PCDHGA4: variants seen among roughly 807,000 people sequenced by gnomAD.
The protein encoded by PCDHGA4 is protocadherin gamma subfamily A, 4, also known as protocadherin gamma-A4.
In PCDHGA4, 38 loss-of-function variants were observed where a neutral mutation model predicts 54.6. The observed-to-expected ratio is 0.70, with a 90% confidence interval of 0.54 to 0.91. The LOEUF (loss-of-function observed/expected upper bound fraction) is 0.91. PCDHGA4 is among the 40% of genes least tolerant of loss of function. The pLI, the probability that PCDHGA4 is intolerant of heterozygous loss-of-function variation, is 0.00. For missense variants in PCDHGA4, 1,298 were observed against 1,220.9 expected, an observed-to-expected ratio of 1.06 and a Z score of -0.94; for synonymous variants, 511 against 512.9, an observed-to-expected ratio of 1.00 and a Z score of 0.05.
chr5:141,399,252 TG>T, intron 1 of PCDHGA4: 1 of 1,613,778 alleles, frequency 6.2e-7, no homozygotes, highest in Non-Finnish European at 8.5e-7. Context: ...CTGGGGAAAA[TG>T]GGGAGGTTAA....
Position 141,487,082 on chromosome 5 carries a change from G to A in PCDHGA4, c.2515-7725G>A, listed in dbSNP as rs2099639361. On this transcript the variant is annotated intron_variant, in intron 1 of 3. Transcript: ENST00000571252. The surrounding 1 kb of genome is among the most constrained non-coding windows in gnomAD (Gnocchi z 5.0). Reference sequence around the variant, plus strand: ...GCGGACGGCTGTTCCTATCCCAGCTGACCTCCCACCACAGAAGCTGGTCAT... The same window carrying A: ...GCGGACGGCTGTTCCTATCCCAGCTAACCTCCCACCACAGAAGCTGGTCAT... The A allele has an allele frequency of 8.1e-6, 13 of 1,614,056 alleles. No individual in the cohort carries two copies. The highest frequency in any genetic ancestry group is 1.1e-5 in the Non-Finnish European group (13 of 1,179,938).
rs1215626157 is a variant in PCDHGA4, at chr5:141,487,804, GT to G, written c.2515-7000del. ...TCGTGAATTAACCAGAGTTGTCACAGTTTAGCATTGGGGGCGGGTCATGCCT... is the reference window on the plus strand; with the variant it reads ...TCGTGAATTAACCAGAGTTGTCACAGTTAGCATTGGGGGCGGGTCATGCCT... On this transcript the variant is annotated intron_variant, in intron 1 of 3. Transcript: ENST00000571252. The surrounding 1 kb of genome is among the most constrained non-coding windows in gnomAD (Gnocchi z 5.0). 15 of 1,451,846 alleles carry G rather than the reference GT, an allele frequency of 1.0e-5. No homozygotes were observed. The highest frequency in any genetic ancestry group is 1.3e-5 in the Non-Finnish European group (14 of 1,072,382). 89.9% of individuals were successfully genotyped at this position (1,451,846 alleles called of 1,614,324 possible).
In PCDHGA4 at chr5:141,432,929, C is replaced by T. The variant is rs759937939; in HGVS notation, c.2515-61878C>T. On this transcript the variant is annotated intron_variant, in intron 1 of 3. Coordinates refer to ENST00000571252, the MANE Select transcript of PCDHGA4 (RefSeq NM_018917.4). This position sits in a 1 kb window ranked among gnomAD's most constrained non-coding sequence, Gnocchi z 6.0. ...GCTGCGGCGCTGGCACAAGTCACGCCTGCTGCAGGCTTCAGGAGGCGGCTT... is the reference window on the plus strand; with the variant it reads ...GCTGCGGCGCTGGCACAAGTCACGCTTGCTGCAGGCTTCAGGAGGCGGCTT... The T allele has an allele frequency of 6.2e-7, 1 of 1,614,078 alleles. No individual in the cohort carries two copies. Among genetic ancestry groups the T allele is most frequent in the African/African-American group, 1.3e-5 (1 of 74,948 alleles).
At chr5:141,428,493 T>G in intron 1 of PCDHGA4, 1 of 307,146 alleles carries the variant, frequency 3.3e-6, no homozygotes, top group Non-Finnish European at 6.3e-6. Context: ...GCAATCTGTA[T>G]GTTCCCTCGG....
At chr5:141,498,338 G>A (rs2237079) in intron 2 of PCDHGA4, among the ~76,000 whole-genome samples, 68,665 of 151,630 alleles carry the variant, frequency 0.45, 15,766 homozygotes, top group Admixed American at 0.55. Flanking sequence ...CATTCCAAAT[G>A]GGAAAAGCCT....
At chr5:141,389,325 C>A (rs368804822) in intron 1 of PCDHGA4, 3 of 1,614,004 alleles carry the variant, frequency 1.9e-6, no homozygotes, top group Non-Finnish European at 2.5e-6. Flanking sequence ...GGACTTGGGG[C>A]CCAACGGCCA....
intron 1 of PCDHGA4, chr5:141,392,926 A>G (rs1180746876): frequency 9.3e-6 from 15 of 1,613,946 alleles, no homozygotes; most frequent in Non-Finnish European, 1.3e-5. Context: ...GTGCCAGAAG[A>G]GACGGACAAA....
At position 141,511,456 on chromosome 5, in the gene PCDHGA4, C is replaced by A. The variant is rs900802210; in HGVS notation, c.*283C>A. ...TACTGTAGACACCAAGAACCATTTG[C>A]CACACCCCGTTTAGTTACAGCTGAA... On this transcript the variant is annotated 3_prime_UTR_variant, in exon 4 of 4. Transcript: ENST00000571252. 3.4e-6 allele frequency: 2 copies of A among 585,210 alleles called. No homozygotes were observed. The highest frequency in any genetic ancestry group is 5.7e-6 in the Non-Finnish European group (2 of 351,786). 36.3% of individuals were successfully genotyped at this position (585,210 alleles called of 1,614,324 possible).
At position 141,510,228 on chromosome 5, in the gene PCDHGA4, G is replaced by A. The variant is rs529723748; in HGVS notation, c.2663-719G>A. The stretch of plus-strand genomic sequence containing the variant: ...GCAGAGGTTGCAGTGAGCCGGGATC[G>A]CGCCACTGCACTCCAGGCTGGGCGA... On this transcript the variant is annotated intron_variant, in intron 3 of 3. Coordinates refer to ENST00000571252, the MANE Select transcript of PCDHGA4 (RefSeq NM_018917.4). Among the ~76,000 whole-genome samples the A allele has an allele frequency of 1.4e-3, 208 of 150,722 alleles. 1 individual carries two copies. Among genetic ancestry groups the A allele is most frequent in the African/African-American group, 4.7e-3 (193 of 40,860 alleles).
In PCDHGA4 at chr5:141,384,252, CT is replaced by C; in HGVS notation, c.2514+26633del. On this transcript the variant is annotated intron_variant, in intron 1 of 3. Transcript: ENST00000571252. ...CAGACACCAACGATAACCCACCCAC[CT>C]TCCCCCACTCATCCTACTCAGTCTA... 4 of 1,613,902 alleles carry C rather than the reference CT, an allele frequency of 2.5e-6. 1 individual carries two copies. In the South Asian group the frequency reaches 4.4e-5, roughly 18 times the overall value.
intron 1 of PCDHGA4, among the ~76,000 whole-genome samples, chr5:141,358,035 A>C (rs1288596535): frequency 6.6e-6 from 1 of 152,126 alleles, no homozygotes; most frequent in Non-Finnish European, 1.5e-5. Context: ...ACTAAAATAC[A>C]AAAAGTTAGC....
At chr5:141,360,020 G>A in intron 1 of PCDHGA4, 1 of 1,294,416 alleles carries the variant, frequency 7.7e-7, no homozygotes, top group South Asian at 1.6e-5. Context: ...CACAGAGAAG[G>A]CCAGTATAGA....
intron 1 of PCDHGA4, chr5:141,403,051 C>T (rs1273209859): frequency 3.7e-6 from 6 of 1,614,086 alleles, no homozygotes; most frequent in Admixed American, 1.7e-5. Context: ...AGATTCGCTA[C>T]TCAGTGCCTG....
intron 1 of PCDHGA4, among the ~76,000 whole-genome samples, chr5:141,401,424 T>G (rs1408860840): frequency 6.6e-6 from 1 of 152,170 alleles, no homozygotes; most frequent in Non-Finnish European, 1.5e-5. Flanking sequence ...AGAGACTGAT[T>G]CACTGAACTT....
intron 1 of PCDHGA4, chr5:141,409,458 A>G (rs1435071611): frequency 4.3e-6 from 7 of 1,613,820 alleles, no homozygotes; most frequent in East Asian, 2.2e-5. Context: ...CCAGAATACA[A>G]TGTCACCATC....
intron 1 of PCDHGA4, chr5:141,378,561 A>C (rs1775013664): frequency 6.6e-6 from 1 of 152,238 alleles, no homozygotes. Context: ...AAGAGTGAAC[A>C]TGAATTTTAA....
At chr5:141,405,267 A>G (rs1384687423) in intron 1 of PCDHGA4, 1 of 1,614,154 alleles carries the variant, frequency 6.2e-7, no homozygotes, top group South Asian at 1.1e-5. Context: ...ATCTTCCCCC[A>G]GCCCAACTAT....
Position 141,431,388 on chromosome 5 carries a change from T to G in PCDHGA4, c.2515-63419T>G. 1 of 1,613,920 alleles carries G rather than the reference T, an allele frequency of 6.2e-7. No individual in the cohort carries two copies. The highest frequency in any genetic ancestry group is 8.5e-7 in the Non-Finnish European group (1 of 1,180,038). ...CGCGAAGAAAAGGCTGCTCACCACC[T>G]GGTCCTTACGGCCTCCGACGGGGGC... On this transcript the variant is annotated intron_variant, in intron 1 of 3. Transcript: ENST00000571252. The surrounding 1 kb of genome is among the most constrained non-coding windows in gnomAD (Gnocchi z 4.8).
intron 1 of PCDHGA4, chr5:141,384,110 T>G: frequency 6.2e-7 from 1 of 1,604,780 alleles, no homozygotes; most frequent in Non-Finnish European, 8.5e-7. Context: ...TATTATAGAT[T>G]GGTCACAACC....
Sources: gnomAD v4.1 joint callset for allele counts (sites outside exome capture counted in the v4.1 genomes callset) on GRCh38, gnomAD v4.1.1 for gene constraint, Gnocchi (gnomAD v3.1) non-coding constraint, MANE v1.5 for transcripts, NCBI Gene and HGNC (gene_info 2026-07-23, HGNC 2026-07-21) for gene names.